The following HK2 variants were observed in gnomAD, a reference collection of about 807,000 sequenced individuals.
HK2 encodes hexokinase-2.
HK2 carries 42 observed loss-of-function variants against 92.9 expected under a neutral mutation model. The observed-to-expected ratio is 0.45, with a 90% confidence interval of 0.35 to 0.58. HK2 has a LOEUF of 0.58. Among genes scored for constraint, HK2 ranks in the 20% least tolerant of loss-of-function variants. The pLI, the probability that HK2 is intolerant of heterozygous loss-of-function variation, is 0.00. For synonymous variants in HK2, 422 were observed against 468.0 expected (o/e 0.90, Z 1.27); for missense variants, 978 against 1,245.1 (o/e 0.79, Z 3.23).
chr2:74,881,659 A>C, intron 10 of HK2, 52 bp from the exon 11 acceptor site: 1 of 1,596,832 alleles, frequency 6.3e-7, no homozygotes, highest in Non-Finnish European at 8.6e-7. Context: ...TACTGTCTCC[A>C]CATTCCCCAT....
At chr2:74,852,100 A>G (rs1171238204) in intron 1 of HK2, among the ~76,000 whole-genome samples, 3 of 152,188 alleles carry the variant, frequency 2.0e-5, no homozygotes, top group Non-Finnish European at 4.4e-5. Context: ...GGGCTGTTCT[A>G]AGGATGAAAT....
intron 1 of HK2, among the ~76,000 whole-genome samples, chr2:74,849,229 G>A (rs1558789736): frequency 1.3e-5 from 2 of 152,270 alleles, no homozygotes; most frequent in East Asian, 3.9e-4. Context: ...GAGAGTATGG[G>A]GTTAATTTGT....
At chr2:74,873,179 G>T in intron 4 of HK2, 97 bp from the exon 5 acceptor site, 1 of 904,738 alleles carries the variant, frequency 1.1e-6, no homozygotes, top group Non-Finnish European at 1.9e-6. Context: ...CTTTACCCCA[G>T]TGGCAGAGGT....
chr2:74,848,219 C>T (rs1428901814), intron 1 of HK2, among the ~76,000 whole-genome samples: 1 of 152,130 alleles, frequency 6.6e-6, no homozygotes, highest in Non-Finnish European at 1.5e-5. Context: ...TGTATTGTGC[C>T]CGACATTCTT....
chr2:74,882,510 C>T (rs1689423748), intron 12 of HK2, among the ~76,000 whole-genome samples: 1 of 149,918 alleles, frequency 6.7e-6, no homozygotes, highest in South Asian at 2.1e-4. Context: ...TACCTGTAAT[C>T]TCAGCACTTT....
At chr2:74,868,818 G>A (rs189247212) in intron 3 of HK2, among the ~76,000 whole-genome samples, 5 of 152,232 alleles carry the variant, frequency 3.3e-5, no homozygotes, top group Admixed American at 2.0e-4. Flanking sequence ...GACTTGTAAC[G>A]TGATGGTGAC....
At chr2:74,861,806 C>A (rs1017521104) in intron 2 of HK2, among the ~76,000 whole-genome samples, 1 of 152,178 alleles carries the variant, frequency 6.6e-6, no homozygotes, top group Non-Finnish European at 1.5e-5. Flanking sequence ...ATGTGCCAGC[C>A]GCATGTTCTA....
chr2:74,871,853 T>C (rs1227393163), intron 3 of HK2, among the ~76,000 whole-genome samples: 2 of 152,158 alleles, frequency 1.3e-5, no homozygotes, highest in African/African-American at 4.8e-5. Context: ...ACAGGGATAC[T>C]AAAATACTTC....
intron 13 of HK2, among the ~76,000 whole-genome samples, chr2:74,885,845 AACAC>A (rs71406901): frequency 0.026 from 3,309 of 129,062 alleles, 45 homozygotes; most frequent in Admixed American, 0.032. Flanking sequence ...AGAGCTGTGA[AACAC>A]ACACACACAC....
chr2:74,862,761 G>C (rs1688859899), intron 2 of HK2, among the ~76,000 whole-genome samples: 1 of 152,218 alleles, frequency 6.6e-6, no homozygotes, highest in South Asian at 2.1e-4. Context: ...GTCAGGCGTT[G>C]TGCCAAACGC....
chr2:74,853,100 G>A (rs768290990), intron 1 of HK2, among the ~76,000 whole-genome samples: 15 of 152,174 alleles, frequency 9.9e-5, no homozygotes, highest in East Asian at 1.9e-4. Context: ...GTAGCAGATC[G>A]TCAGGGCATG....
chr2:74,855,740 A>C (rs548033777), intron 2 of HK2, among the ~76,000 whole-genome samples: 1 of 152,300 alleles, frequency 6.6e-6, no homozygotes, highest in African/African-American at 2.4e-5. Context: ...GTAATGTTAC[A>C]TCATTGGCAG....
chr2:74,841,616 A>C (rs1242098360), intron 1 of HK2, among the ~76,000 whole-genome samples: 1 of 152,200 alleles, frequency 6.6e-6, no homozygotes, highest in Non-Finnish European at 1.5e-5. Flanking sequence ...AGACGAACTT[A>C]AGATGAGGTC....
intron 16 of HK2, among the ~76,000 whole-genome samples, chr2:74,888,383 T>C (rs770036848): frequency 4.6e-5 from 7 of 152,240 alleles, no homozygotes; most frequent in Non-Finnish European, 8.8e-5. Flanking sequence ...AGATAACCTA[T>C]TAAAGCATCC....
intron 1 of HK2, among the ~76,000 whole-genome samples, chr2:74,852,834 G>C (rs1231260525): frequency 1.3e-5 from 2 of 152,240 alleles, no homozygotes; most frequent in East Asian, 3.8e-4. Flanking sequence ...CATGAGCACA[G>C]AGGCTGCATT....
intron 3 of HK2, 102 bp downstream of exon 3, chr2:74,867,886 A>G: frequency 7.6e-7 from 1 of 1,316,700 alleles, no homozygotes; most frequent in South Asian, 1.2e-5. Context: ...ATAGGCAGTC[A>G]CCCAAGACAC....
chr2:74,881,697 G>T lies in HK2; in HGVS notation c.1571-14G>T, dbSNP rs1689395971. On this transcript the variant is annotated splice_polypyrimidine_tract_variant and intron_variant, in intron 10 of 17. Coordinates refer to ENST00000290573, the MANE Select transcript of HK2 (RefSeq NM_000189.5). ...TCTGCCCCAACTTATCACTTCCCTG[G>T]GCTTATTTTCCAGAGAAAGGGGACT... The T allele has an allele frequency of 1.2e-6, 2 of 1,613,726 alleles. No individual in the cohort carries two copies. Among genetic ancestry groups the T allele is most frequent in the South Asian group, 2.2e-5 (2 of 91,068 alleles).
At position 74,881,809 on chromosome 2, in the gene HK2, A is replaced by G; in HGVS notation, c.1669A>G (p.Asn557Asp). The G allele has an allele frequency of 1.2e-6, 2 of 1,614,180 alleles. No homozygotes were observed. Among genetic ancestry groups the G allele is most frequent in the Non-Finnish European group, 1.7e-6 (2 of 1,180,030 alleles). ...GAAGTGGGGTGGAGTGGAGATGCAC[A>G]ACAAGATCTACGCCATCCCGCAGGA... ...NGKWGGVEMH[N>D]KIYAIPQEVM... Residue 557 changes from asparagine to aspartate, a missense_variant, in exon 11 of 18, where the codon AAC becomes GAC. Asn to Asp is a conservative substitution (Grantham distance 23, BLOSUM62 1). Coordinates refer to ENST00000290573, the MANE Select transcript of HK2 (RefSeq NM_000189.5).
chr2:74,862,970 G>A (rs535072072), intron 2 of HK2, among the ~76,000 whole-genome samples: 2 of 152,336 alleles, frequency 1.3e-5, no homozygotes, highest in South Asian at 4.1e-4. Context: ...CATGGCTAAT[G>A]CATGTTAGAG....
Sources: gnomAD v4.1 joint callset for allele counts (sites outside exome capture counted in the v4.1 genomes callset) on GRCh38, gnomAD v4.1.1 for gene constraint, MANE v1.5 for transcripts, NCBI Gene and HGNC (gene_info 2026-07-23, HGNC 2026-07-21) for gene names.